RTN1: variants seen among roughly 807,000 people sequenced by gnomAD.
RTN1 encodes the protein reticulon 1, also known as reticulon-1.
RTN1 carries 25 observed loss-of-function variants against 65.5 expected under a neutral mutation model. The ratio of observed to expected loss-of-function variants is 0.38; its 90% CI spans 0.28 to 0.53. The LOEUF (loss-of-function observed/expected upper bound fraction) is 0.53, where lower values mean the gene tolerates loss of function less well. RTN1 is among the 20% of genes least tolerant of loss of function. RTN1 has a pLI of 0.79. For synonymous variants in RTN1, 471 were observed against 447.6 expected (o/e 1.05, Z -0.66); for missense variants, 983 against 1,025.4 (o/e 0.96, Z 0.57).
intron 3 of RTN1, among the ~76,000 whole-genome samples, chr14:59,664,275 C>T (rs1384778799): frequency 6.6e-6 from 1 of 151,988 alleles, no homozygotes; most frequent in Admixed American, 6.6e-5. Flanking sequence ...GATGAGAACA[C>T]ATGGACACAG....
rs111590411 is a variant in RTN1 at position 59,804,287 on chromosome 14, T to C, written c.242-57806A>G. Among the ~76,000 whole-genome samples the C allele has an allele frequency of 9.9e-3, 1,505 of 152,192 alleles. 14 individuals are homozygous for C. The highest frequency in any genetic ancestry group is 0.015 in the Non-Finnish European group (1,042 of 68,016). On this transcript the variant is annotated intron_variant, in intron 1 of 8. Transcript: ENST00000267484. ...TTGTATTGTGTTTTTTTCCTCATCA[T>C]TAGACTGGGGATGTACATATGGGGG...
chr14:59,645,128 C>A (rs889486052), intron 3 of RTN1, among the ~76,000 whole-genome samples: 3 of 152,132 alleles, frequency 2.0e-5, no homozygotes, highest in African/African-American at 7.2e-5. Flanking sequence ...CCCTATTTCT[C>A]CTCACTGGGC....
intron 1 of RTN1, among the ~76,000 whole-genome samples, chr14:59,823,827 A>C (rs1417127125): frequency 6.6e-6 from 1 of 152,140 alleles, no homozygotes; most frequent in African/African-American, 2.4e-5. Context: ...AGGTTGGGGA[A>C]ATTTTGGTGG....
intron 1 of RTN1, among the ~76,000 whole-genome samples, chr14:59,837,536 T>C (rs1333660283): frequency 6.6e-6 from 1 of 151,900 alleles, no homozygotes; most frequent in Non-Finnish European, 1.5e-5. Context: ...TAAATGTATA[T>C]AACAAAAAAG....
At chr14:59,857,874 A>T (rs916216504) in intron 1 of RTN1, among the ~76,000 whole-genome samples, 3 of 152,196 alleles carry the variant, frequency 2.0e-5, no homozygotes, top group South Asian at 2.1e-4. Flanking sequence ...TCATCTGGAT[A>T]AGCTATGAAA....
intron 3 of RTN1, among the ~76,000 whole-genome samples, chr14:59,637,920 C>T (rs575761613): frequency 6.6e-5 from 10 of 151,810 alleles, no homozygotes; most frequent in African/African-American, 2.2e-4. Context: ...GGCGCGATCT[C>T]GGCTCACTGC....
intron 3 of RTN1, among the ~76,000 whole-genome samples, chr14:59,622,559 A>C (rs1279227846): frequency 2.0e-5 from 3 of 152,252 alleles, no homozygotes; most frequent in Non-Finnish European, 4.4e-5. Context: ...CCCAGTGTCC[A>C]AAGAGGTGAT....
chr14:59,816,764 C>T lies in RTN1; in HGVS notation c.241+53626G>A, dbSNP rs1031725924. Among the ~76,000 whole-genome samples, 3 of 152,140 alleles carry T rather than the reference C, an allele frequency of 2.0e-5. No homozygotes were observed. The highest frequency in any genetic ancestry group is 7.2e-5 in the African/African-American group (3 of 41,514). ...GCCTGGGCAACATGGCAAAATCCCA[C>T]CTCTACAAAAAATACAATATTAGCT... On this transcript the variant is annotated intron_variant, in intron 1 of 8. Coordinates refer to ENST00000267484, the MANE Select transcript of RTN1 (RefSeq NM_021136.3). The surrounding 1 kb of genome is among the most constrained non-coding windows in gnomAD (Gnocchi z 4.3).
chr14:59,833,515 GA>G (rs1241273594), intron 1 of RTN1, among the ~76,000 whole-genome samples: 2 of 152,014 alleles, frequency 1.3e-5, no homozygotes, highest in Admixed American at 6.6e-5. Flanking sequence ...AATTTTATTT[GA>G]AAAAAATTTT....
intron 1 of RTN1, among the ~76,000 whole-genome samples, chr14:59,757,723 C>T (rs933888548): frequency 3.9e-5 from 6 of 152,074 alleles, no homozygotes; most frequent in Non-Finnish European, 7.4e-5. Flanking sequence ...TCACCTGACA[C>T]TGAATCTACC....
In RTN1 at chr14:59,849,558, C is replaced by T. The variant is rs1411047711; in HGVS notation, c.241+20832G>A. Among the ~76,000 whole-genome samples the T allele has an allele frequency of 1.3e-5, 2 of 152,110 alleles. No individual in the cohort carries two copies. Among genetic ancestry groups the T allele is most frequent in the East Asian group, 1.9e-4 (1 of 5,182 alleles). Reference sequence around the variant, plus strand: ...GAAAATCCCCATACTGAGGAAGGAACATTTCAGCCCACAGGCCTGACTCAG... The same window carrying T: ...GAAAATCCCCATACTGAGGAAGGAATATTTCAGCCCACAGGCCTGACTCAG... On this transcript the variant is annotated intron_variant, in intron 1 of 8. Coordinates refer to ENST00000267484, the MANE Select transcript of RTN1 (RefSeq NM_021136.3). The surrounding 1 kb of genome is among the most constrained non-coding windows in gnomAD (Gnocchi z 4.5).
At chr14:59,819,531 G>T (rs892960976) in intron 1 of RTN1, among the ~76,000 whole-genome samples, 1 of 149,272 alleles carries the variant, frequency 6.7e-6, no homozygotes, top group Non-Finnish European at 1.5e-5. Context: ...AGCCTAGCTG[G>T]CTTCCTCTAG....
chr14:59,618,014 T>G (rs1294819263), intron 3 of RTN1, among the ~76,000 whole-genome samples: 1 of 152,176 alleles, frequency 6.6e-6, no homozygotes, highest in Non-Finnish European at 1.5e-5. Context: ...CTTTGCAAAA[T>G]TATGACCGAG....
chr14:59,768,511 A>T (rs142193721), intron 1 of RTN1, among the ~76,000 whole-genome samples: 2 of 152,070 alleles, frequency 1.3e-5, no homozygotes, highest in Non-Finnish European at 2.9e-5. Context: ...CTGGCTCTTG[A>T]TCTGGTCGTT....
At chr14:59,780,245 C>A (rs532551316) in intron 1 of RTN1, among the ~76,000 whole-genome samples, 1 of 152,196 alleles carries the variant, frequency 6.6e-6, no homozygotes, top group Non-Finnish European at 1.5e-5. Flanking sequence ...AGAGGAGGTA[C>A]TGAATTCCAT....
At chr14:59,645,137 G>A (rs1882862859) in intron 3 of RTN1, among the ~76,000 whole-genome samples, 1 of 152,000 alleles carries the variant, frequency 6.6e-6, no homozygotes, top group African/African-American at 2.4e-5. Flanking sequence ...TCCTCACTGG[G>A]CAGAATCTCC....
At chr14:59,630,614 C>A in intron 3 of RTN1, 1 of 1,570,064 alleles carries the variant, frequency 6.4e-7, no homozygotes, top group Non-Finnish European at 8.6e-7. Context: ...CGCGCGGCTG[C>A]GGAGAGACTG....
At position 59,797,507 on chromosome 14, in the gene RTN1, T is replaced by G. The variant is rs188227938; in HGVS notation, c.242-51026A>C. Among the ~76,000 whole-genome samples, 88 of 152,232 alleles carry G rather than the reference T, an allele frequency of 5.8e-4. 1 individual carries two copies. The highest frequency in any genetic ancestry group is 1.0e-3 in the Non-Finnish European group (70 of 68,004). On this transcript the variant is annotated intron_variant, in intron 1 of 8. Coordinates refer to ENST00000267484, the MANE Select transcript of RTN1 (RefSeq NM_021136.3). ...AGTTATTCAAAAGTCCATTGTGCAATCAGTAACCAGAACCTACTATTTAGT... is the reference window on the plus strand; with the variant it reads ...AGTTATTCAAAAGTCCATTGTGCAAGCAGTAACCAGAACCTACTATTTAGT...
At chr14:59,691,670 A>G (rs769114306) in intron 3 of RTN1, among the ~76,000 whole-genome samples, 1 of 152,198 alleles carries the variant, frequency 6.6e-6, no homozygotes. Flanking sequence ...ATAAACATAG[A>G]TGCAAAAATC....
Sources: gnomAD v4.1 joint callset for allele counts (sites outside exome capture counted in the v4.1 genomes callset) on GRCh38, gnomAD v4.1.1 for gene constraint, Gnocchi (gnomAD v3.1) non-coding constraint, MANE v1.5 for transcripts, NCBI Gene and HGNC (gene_info 2026-07-23, HGNC 2026-07-21) for gene names.